Variants in ADAMTS17 observed in about 807,000 individuals in gnomAD.
ADAMTS17 encodes the protein A disintegrin and metalloproteinase with thrombospondin motifs 17.
Under a neutral mutation model 141.5 loss-of-function variants are expected in ADAMTS17, and 113 were observed. The observed-to-expected ratio is 0.80, with a 90% confidence interval of 0.69 to 0.93. The LOEUF (loss-of-function observed/expected upper bound fraction) is 0.93, where lower values mean the gene tolerates loss of function less well. ADAMTS17 is among the 40% of genes least tolerant of loss of function. The pLI is 0.00. For synonymous variants in ADAMTS17, 768 were observed against 630.6 expected, an observed-to-expected ratio of 1.22 and a Z score of -3.27; for missense variants, 1,659 against 1,517.9, an observed-to-expected ratio of 1.09 and a Z score of -1.54.
At chr15:100,244,551 T>C (rs1262240975) in intron 7 of ADAMTS17, among the ~76,000 whole-genome samples, 8 of 151,784 alleles carry the variant, frequency 5.3e-5, no homozygotes, top group Non-Finnish European at 1.2e-4. Flanking sequence ...ATAAGTCTCA[T>C]GAGATCGGAT....
intron 18 of ADAMTS17, among the ~76,000 whole-genome samples, chr15:100,027,103 G>A (rs1391095005): frequency 6.6e-6 from 1 of 152,174 alleles, no homozygotes; most frequent in Non-Finnish European, 1.5e-5. Flanking sequence ...AGGTGCAGAA[G>A]TACTCATACC....
intron 10 of ADAMTS17, among the ~76,000 whole-genome samples, chr15:100,136,139 A>T (rs1476056234): frequency 6.6e-6 from 1 of 152,252 alleles, no homozygotes; most frequent in South Asian, 2.1e-4. Flanking sequence ...TCACTGAAAT[A>T]CTACTTGCAT....
chr15:100,069,537 T>G (rs1033776357), intron 15 of ADAMTS17, among the ~76,000 whole-genome samples: 2 of 152,028 alleles, frequency 1.3e-5, no homozygotes, highest in Non-Finnish European at 2.9e-5. Context: ...AGACTAACAG[T>G]GGATCTCTTG....
chr15:100,146,220 A>T (rs924659806), intron 10 of ADAMTS17, among the ~76,000 whole-genome samples: 4 of 152,226 alleles, frequency 2.6e-5, no homozygotes, highest in African/African-American at 9.6e-5. Context: ...TAAAAACCGT[A>T]TAATAGTATA....
intron 2 of ADAMTS17, among the ~76,000 whole-genome samples, chr15:100,338,123 G>T (rs866495034): frequency 2.2e-4 from 33 of 152,176 alleles, no homozygotes; most frequent in African/African-American, 8.0e-4. Context: ...GGCCTTTGAA[G>T]ATCCAAAAGG....
At chr15:100,070,545 T>C (rs1351168008) in intron 15 of ADAMTS17, among the ~76,000 whole-genome samples, 4 of 150,096 alleles carry the variant, frequency 2.7e-5, no homozygotes, top group Non-Finnish European at 5.9e-5. Context: ...AAACTGTCTC[T>C]CAGACCACGG....
intron 3 of ADAMTS17, among the ~76,000 whole-genome samples, chr15:100,326,190 A>C (rs1218390594): frequency 6.6e-6 from 1 of 152,214 alleles, no homozygotes; most frequent in Non-Finnish European, 1.5e-5. Flanking sequence ...TTATAGAGTT[A>C]ACATTTATAT....
At chr15:100,270,001 T>C (rs2043849179) in intron 4 of ADAMTS17, among the ~76,000 whole-genome samples, 1 of 152,232 alleles carries the variant, frequency 6.6e-6, no homozygotes, top group Admixed American at 6.5e-5. Context: ...GACTCCTTTC[T>C]TCCTTGTTCA....
chr15:100,264,708 C>T (rs2043647758), intron 4 of ADAMTS17, among the ~76,000 whole-genome samples: 1 of 152,108 alleles, frequency 6.6e-6, no homozygotes, highest in Non-Finnish European at 1.5e-5. Context: ...CACATGCACC[C>T]CATACACCAT....
At chr15:100,006,484 T>C (rs1456290659) in intron 18 of ADAMTS17, among the ~76,000 whole-genome samples, 1 of 152,228 alleles carries the variant, frequency 6.6e-6, no homozygotes, top group Non-Finnish European at 1.5e-5. Context: ...GGGTCACACT[T>C]TTCTGACACA....
At chr15:100,117,454 A>C (rs903177274) in intron 12 of ADAMTS17, among the ~76,000 whole-genome samples, 1 of 152,108 alleles carries the variant, frequency 6.6e-6, no homozygotes, top group Non-Finnish European at 1.5e-5. Context: ...GGATGAGTAA[A>C]TACATAGCTC....
At chr15:100,213,133 C>T (rs2041861816) in intron 7 of ADAMTS17, among the ~76,000 whole-genome samples, 1 of 152,002 alleles carries the variant, frequency 6.6e-6, no homozygotes, top group African/African-American at 2.4e-5. Context: ...TTGGACAAGG[C>T]CAATACCTGT....
chr15:100,076,601 A>G (rs1010904179), intron 15 of ADAMTS17, among the ~76,000 whole-genome samples: 1 of 152,212 alleles, frequency 6.6e-6, no homozygotes, highest in Non-Finnish European at 1.5e-5. Context: ...GGTAGGGAGA[A>G]ATAGCACAGT....
chr15:100,241,338 G>T (rs540818914), intron 7 of ADAMTS17, among the ~76,000 whole-genome samples: 14 of 152,224 alleles, frequency 9.2e-5, no homozygotes, highest in Non-Finnish European at 1.8e-4. Flanking sequence ...AAGCCTGAAC[G>T]TAGAGATAGG....
At chr15:100,147,948 C>G (rs578235349) in intron 10 of ADAMTS17, among the ~76,000 whole-genome samples, 42 of 152,366 alleles carry the variant, frequency 2.8e-4, no homozygotes, top group African/African-American at 9.1e-4. Context: ...GAGGTTTCCT[C>G]GCCTTTTCCA....
chr15:100,223,163 A>G (rs1291428109), intron 7 of ADAMTS17, among the ~76,000 whole-genome samples: 2 of 152,172 alleles, frequency 1.3e-5, no homozygotes, highest in African/African-American at 4.8e-5. Flanking sequence ...GGGGAGGGAG[A>G]CAAAAGGACA....
At chr15:100,220,080 T>G (rs2042086138) in intron 7 of ADAMTS17, among the ~76,000 whole-genome samples, 1 of 152,158 alleles carries the variant, frequency 6.6e-6, no homozygotes, top group African/African-American at 2.4e-5. Context: ...TTCTGATGCA[T>G]GAAGTCTCAT....
At chr15:100,079,356 T>C (rs192297379) in intron 15 of ADAMTS17, among the ~76,000 whole-genome samples, 17 of 152,220 alleles carry the variant, frequency 1.1e-4, no homozygotes, top group Non-Finnish European at 1.2e-4. Context: ...AACAATGGAA[T>C]AGTATTTGGC....
At chr15:100,035,674 C>G (rs1474107401) in intron 18 of ADAMTS17, among the ~76,000 whole-genome samples, 2 of 152,080 alleles carry the variant, frequency 1.3e-5, no homozygotes, top group Non-Finnish European at 1.5e-5. Context: ...ACAGGCGGGT[C>G]TGCGTGGTTC....
Sources: gnomAD v4.1 joint callset for allele counts (sites outside exome capture counted in the v4.1 genomes callset) on GRCh38, gnomAD v4.1.1 for gene constraint, MANE v1.5 for transcripts, NCBI Gene and HGNC (gene_info 2026-07-23, HGNC 2026-07-21) for gene names.